ZNF805: variants seen among roughly 807,000 people sequenced by gnomAD.
ZNF805 encodes the protein CTC-444N24.8.
ZNF805 carries 7 observed loss-of-function variants against 13.6 expected under a neutral mutation model. The observed-to-expected ratio is 0.51, with a 90% confidence interval of 0.29 to 0.97. ZNF805 has a LOEUF of 0.97. Among genes scored for constraint, ZNF805 ranks in the 50% least tolerant of loss-of-function variants. ZNF805 has a pLI of 0.08. For synonymous variants in ZNF805, 293 were observed against 279.8 expected, an observed-to-expected ratio of 1.05 and a Z score of -0.47; for missense variants, 604 against 771.0, an observed-to-expected ratio of 0.78 and a Z score of 2.57.
At position 57,254,709 on chromosome 19, in the gene ZNF805, CCTT is replaced by C. The variant is rs764535465; in HGVS notation, c.*9_*11del. The C allele has an allele frequency of 9.4e-6, 15 of 1,595,858 alleles. No homozygotes were observed. Among genetic ancestry groups the C allele is most frequent in the Middle Eastern group, 1.7e-4 (1 of 5,936 alleles). The stretch of plus-strand genomic sequence containing the variant: ...CACAAGTGTCTTCACTGTGAGAAAA[CCTT>C]CTGTTGCCAAATGTCATTTGTCACC... On this transcript the variant is annotated 3_prime_UTR_variant, in exon 4 of 4. Coordinates refer to ENST00000414468, the MANE Select transcript of ZNF805 (RefSeq NM_001023563.4).
chr19:57,257,696 A>ATT lies in ZNF805; in HGVS notation c.*2994_*2995insTT, dbSNP rs2087696149. 2.1e-5 allele frequency among the ~76,000 whole-genome samples: 2 copies of ATT among 95,076 alleles called. No homozygotes were observed. The highest frequency in any genetic ancestry group is 1.1e-4 in the Admixed American group (1 of 8,920). The allele number at this position is 95,076 out of a possible 152,430, so 62.4% of individuals were successfully genotyped here. A position where few individuals can be genotyped will look rare whatever the true frequency, so the allele number is the denominator to read the frequency against. On this transcript the variant is annotated 3_prime_UTR_variant, in exon 4 of 4. Transcript: ENST00000414468. ...CTGTGGTTTTATATCCAGTTTGCGT[A>ATT]TCTTTTTTTTTTTTTTTTTTTTTTT...
At chr19:57,241,036 GA>G in intron 1 of ZNF805, 115 bp downstream of exon 1, 1 of 1,172,572 alleles carries the variant, frequency 8.5e-7, no homozygotes, top group Non-Finnish European at 1.2e-6. Context: ...GTTTGTTTAC[GA>G]AACGTGGAGC....
chr19:57,252,021 C>G (rs959709113), intron 3 of ZNF805, among the ~76,000 whole-genome samples: 2 of 152,186 alleles, frequency 1.3e-5, no homozygotes, highest in African/African-American at 4.8e-5. Context: ...GAGAGTGGCA[C>G]TGCTCTTCAC....
chr19:57,248,991 A>G (rs780278222), intron 3 of ZNF805, among the ~76,000 whole-genome samples: 1 of 152,184 alleles, frequency 6.6e-6, no homozygotes, highest in Non-Finnish European at 1.5e-5. Flanking sequence ...AAGTTTGTAT[A>G]TGAGTTTGGC....
At chr19:57,244,692 G>A (rs1049606583) in intron 2 of ZNF805, among the ~76,000 whole-genome samples, 1 of 152,172 alleles carries the variant, frequency 6.6e-6, no homozygotes, top group South Asian at 2.1e-4. Flanking sequence ...GAACCGCCAC[G>A]ATGGGGTCCT....
chr19:57,254,251 A>G lies in ZNF805; in HGVS notation c.1432A>G (p.Thr478Ala). The change falls in exon 4 of 4, where the codon ACT (threonine) becomes GCT (alanine). Residue 478 changes from threonine (T) to alanine (A), a missense_variant. Coordinates refer to ENST00000414468, the MANE Select transcript of ZNF805 (RefSeq NM_001023563.4). ...CCTCATTCGCCACTTCAGCATCCAC[A>G]CTGGAGAGAAGCCCTATGAGTGCAT... is the stretch of plus-strand genomic sequence containing the variant. ...ADLIRHFSIH[T>A]GEKPYECMEC... The G allele has an allele frequency of 6.2e-7, 1 of 1,614,138 alleles. No individual in the cohort carries two copies. The highest frequency in any genetic ancestry group is 1.1e-5 in the South Asian group (1 of 91,078).
At chr19:57,244,539 A>T (rs1015271422) in intron 2 of ZNF805, among the ~76,000 whole-genome samples, 1 of 152,022 alleles carries the variant, frequency 6.6e-6, no homozygotes, top group Non-Finnish European at 1.5e-5. Context: ...TACAGTCTCC[A>T]TGCATCGCTT....
At position 57,254,496 on chromosome 19, in the gene ZNF805, G is replaced by A. The variant is rs775008235; in HGVS notation, c.1677G>A (p.Arg559=). 8.1e-6 allele frequency: 13 copies of A among 1,614,100 alleles called. No individual in the cohort carries two copies. Among genetic ancestry groups the A allele is most frequent in the Admixed American group, 1.7e-5 (1 of 60,012 alleles). The change falls in exon 4 of 4, where the codon AGG becomes AGA. Residue 559 remains arginine (R), a synonymous_variant. Coordinates refer to ENST00000414468, the MANE Select transcript of ZNF805 (RefSeq NM_001023563.4). The part of the protein sequence containing the change: ...SRSSSLTQHQ[R]MHTGRNPISV... ...GCTCGTCCCTCACTCAGCATCAAAG[G>A]ATGCATACTGGGAGAAATCCTATCA...
In ZNF805 at chr19:57,258,792, C is replaced by T. The variant is rs1244041727; in HGVS notation, c.*4089C>T. ...CTCTTTACCCATTCCACTATTCTTT[C>T]TTGAAATTCTAAGCCACCTTCTATT... On this transcript the variant is annotated 3_prime_UTR_variant, in exon 4 of 4. Coordinates refer to ENST00000414468, the MANE Select transcript of ZNF805 (RefSeq NM_001023563.4). Among the ~76,000 whole-genome samples the T allele has an allele frequency of 6.6e-6, 1 of 152,150 alleles. No homozygotes were observed. Among genetic ancestry groups the T allele is most frequent in the Non-Finnish European group, 1.5e-5 (1 of 68,014 alleles).
chr19:57,250,557 TATC>T (rs35956458), intron 3 of ZNF805, among the ~76,000 whole-genome samples: 66,216 of 151,746 alleles, frequency 0.44, 15,640 homozygotes, highest in Non-Finnish European at 0.53. Context: ...TCTAAACTCT[TATC>T]ATCTTTTTTC....
At chr19:57,241,693 C>T (rs2087580989) in intron 1 of ZNF805, among the ~76,000 whole-genome samples, 1 of 95,038 alleles carries the variant, frequency 1.1e-5, no homozygotes, top group Non-Finnish European at 2.5e-5. Context: ...CCTTTCCTCC[C>T]TGGCTCAGCC....
At chr19:57,248,423 T>G (rs924428403) in intron 2 of ZNF805, among the ~76,000 whole-genome samples, 182 bp from the exon 3 acceptor site, 1 of 152,214 alleles carries the variant, frequency 6.6e-6, no homozygotes, top group Non-Finnish European at 1.5e-5. Flanking sequence ...GGAGTAGAGA[T>G]TCTGTGGCAG....
rs372316814 is a variant in ZNF805, at chr19:57,246,074, T to C, written c.157+2025T>C. Among the ~76,000 whole-genome samples, 14 of 152,370 alleles carry C rather than the reference T, an allele frequency of 9.2e-5. 1 individual carries two copies. In the East Asian group the frequency reaches 2.1e-3, roughly 23 times the overall value. ...GAAAACTCTGGTTTAGTGCTGAGAC[T>C]TAACGTCCTGCAAACTGTTGGTAAT... On this transcript the variant is annotated intron_variant, in intron 2 of 3. Transcript: ENST00000414468.
chr19:57,250,615 T>C (rs61094639), intron 3 of ZNF805, among the ~76,000 whole-genome samples: 33,124 of 152,170 alleles, frequency 0.22, 4,183 homozygotes, highest in African/African-American at 0.35. Context: ...CTGTATCTGC[T>C]TTGTGCCTCT....
rs2087574174 is a variant in ZNF805, at chr19:57,240,805, G to T, written c.-87G>T. 2 of 1,319,858 alleles carry T rather than the reference G, an allele frequency of 1.5e-6. No individual in the cohort carries two copies. The highest frequency in any genetic ancestry group is 2.1e-6 in the Non-Finnish European group (2 of 969,418). The allele number at this position is 1,319,858 out of a possible 1,614,324, so 81.8% of individuals were successfully genotyped here. ...GTCAGCCAAGGTCACCGGGCCCGGC[G>T]CAGGGAAGGGGTGGGGCTCGGCTGA... On this transcript the variant is annotated 5_prime_UTR_variant, in exon 1 of 4. Coordinates refer to ENST00000414468, the MANE Select transcript of ZNF805 (RefSeq NM_001023563.4).
rs1369421932 is a variant in ZNF805, at chr19:57,261,566, G to A, written c.*6863G>A. On this transcript the variant is annotated 3_prime_UTR_variant, in exon 4 of 4. Coordinates refer to ENST00000414468, the MANE Select transcript of ZNF805 (RefSeq NM_001023563.4). Reference sequence around the variant, plus strand: ...GTTGGTAAATGGCCATACACAGCAGGGTATTTTTTATTATTATTTTCAGTT... The same window carrying A: ...GTTGGTAAATGGCCATACACAGCAGAGTATTTTTTATTATTATTTTCAGTT... 6.0e-6 allele frequency: 1 copy of A among 166,890 alleles called. No individual in the cohort carries two copies. The highest frequency in any genetic ancestry group is 6.6e-5 in the Admixed American group (1 of 15,246). 10.3% of individuals were successfully genotyped at this position (166,890 alleles called of 1,614,324 possible).
intron 2 of ZNF805, among the ~76,000 whole-genome samples, chr19:57,245,733 T>G (rs374278803): frequency 5.3e-5 from 8 of 151,066 alleles, no homozygotes; most frequent in Non-Finnish European, 1.0e-4. Context: ...GAGCTGAGAT[T>G]GCACCACTGC....
At chr19:57,247,716 G>A (rs903065787) in intron 2 of ZNF805, among the ~76,000 whole-genome samples, 2 of 152,210 alleles carry the variant, frequency 1.3e-5, no homozygotes, top group Non-Finnish European at 2.9e-5. Flanking sequence ...TCTGGGCAGC[G>A]TTGTGGAGCT....
At chr19:57,245,617 A>C (rs1360741865) in intron 2 of ZNF805, among the ~76,000 whole-genome samples, 2 of 149,390 alleles carry the variant, frequency 1.3e-5, no homozygotes, top group Non-Finnish European at 3.0e-5. Context: ...GTCTCTACTA[A>C]AAATACAAAA....
Sources: allele counts gnomAD v4.1 joint callset (sites outside exome capture counted in the v4.1 genomes callset), GRCh38; gene constraint gnomAD v4.1.1; transcripts MANE v1.5; gene names NCBI Gene and HGNC (gene_info 2026-07-23, HGNC 2026-07-21).